Variants in MORN3 observed in about 807,000 individuals in gnomAD.
MORN3 encodes the protein MORN repeat containing 3, also known as MORN repeat-containing protein 3.
Under a neutral mutation model 34.7 loss-of-function variants are expected in MORN3, and 38 were observed. The ratio of observed to expected loss-of-function variants is 1.10; its 90% confidence interval spans 0.85 to 1.44. The LOEUF (loss-of-function observed/expected upper bound fraction) is 1.44. Among genes scored for constraint, MORN3 ranks in the 40% most tolerant of loss-of-function variants. The pLI, the probability that MORN3 is intolerant of heterozygous loss-of-function variation, is 0.00. For missense variants in MORN3, 311 were observed against 321.7 expected (o/e 0.97, Z 0.25); for synonymous variants, 109 against 115.3 (o/e 0.95, Z 0.35).
chr12:121,661,316 T>A (rs1313529481), intron 1 of MORN3, among the ~76,000 whole-genome samples: 1 of 152,150 alleles, frequency 6.6e-6, no homozygotes, highest in Non-Finnish European at 1.5e-5. Context: ...CTTGAACTCT[T>A]GAGCTAAAGA....
rs1016075048 is a variant in MORN3 at position 121,651,026 on chromosome 12, A to G, written c.*625T>C. On this transcript the variant is annotated 3_prime_UTR_variant, in exon 6 of 6. Coordinates refer to ENST00000355329, the MANE Select transcript of MORN3 (RefSeq NM_173855.5). Reference sequence around the variant, plus strand: ...AAATTTTATGATCTCCAATCTTGGCAGCCAGTGTGGCAGGATACAGGCCTT... The same window carrying G: ...AAATTTTATGATCTCCAATCTTGGCGGCCAGTGTGGCAGGATACAGGCCTT... 1.3e-5 allele frequency: 2 copies of G among 152,360 alleles called. No individual in the cohort carries two copies. Among genetic ancestry groups the G allele is most frequent in the East Asian group, 3.9e-4 (2 of 5,192 alleles). 9.4% of individuals were successfully genotyped at this position (152,360 alleles called of 1,614,324 possible). A position where few individuals can be genotyped will look rare whatever the true frequency, so the allele number is the denominator to read the frequency against.
At chr12:121,661,129 A>T (rs974627909) in intron 1 of MORN3, among the ~76,000 whole-genome samples, 7 of 151,716 alleles carry the variant, frequency 4.6e-5, no homozygotes, top group African/African-American at 9.7e-5. Context: ...CTAATTTTTT[A>T]AAAAAATTTT....
chr12:121,667,063 C>T (rs776510956), intron 1 of MORN3, among the ~76,000 whole-genome samples: 2 of 149,892 alleles, frequency 1.3e-5, no homozygotes, highest in Non-Finnish European at 3.0e-5. Flanking sequence ...CAGGTTCAAG[C>T]AATTCTCTTA....
At chr12:121,661,985 CATT>C (rs1194501828) in intron 1 of MORN3, among the ~76,000 whole-genome samples, 1 of 151,716 alleles carries the variant, frequency 6.6e-6, no homozygotes, top group Non-Finnish European at 1.5e-5. Flanking sequence ...ATCTGGAGGA[CATT>C]ATGCCAAGTG....
At chr12:121,655,654 T>G (rs1479062894) in intron 2 of MORN3, among the ~76,000 whole-genome samples, 1 of 151,574 alleles carries the variant, frequency 6.6e-6, no homozygotes, top group Non-Finnish European at 1.5e-5. Flanking sequence ...GAGGTTGCAG[T>G]GAGCCCAGAT....
At chr12:121,670,512 T>C (rs985562332), upstream of MORN3, among the ~76,000 whole-genome samples, 7 of 151,988 alleles carry the variant, frequency 4.6e-5, no homozygotes, top group African/African-American at 1.2e-4. Flanking sequence ...TCAATACATA[T>C]ATTGAAAAAA....
At chr12:121,660,181 C>CCGAGATGA (rs1893535743) in intron 1 of MORN3, among the ~76,000 whole-genome samples, 1 of 141,504 alleles carries the variant, frequency 7.1e-6, no homozygotes, top group South Asian at 2.2e-4. Flanking sequence ...TTGCAGTGAG[C>CCGAGATGA]CGAGATGACG....
At chr12:121,661,617 C>T (rs1417239059) in intron 1 of MORN3, among the ~76,000 whole-genome samples, 1 of 152,100 alleles carries the variant, frequency 6.6e-6, no homozygotes, top group Non-Finnish European at 1.5e-5. Flanking sequence ...TGGCTCACGC[C>T]TGTAACCCAG....
intron 1 of MORN3, among the ~76,000 whole-genome samples, chr12:121,661,220 A>G (rs1326353893): frequency 6.6e-6 from 1 of 151,942 alleles, no homozygotes; most frequent in Non-Finnish European, 1.5e-5. Flanking sequence ...AGGCTTCCCA[A>G]AGTATTGGGA....
intron 4 of MORN3, 71 bp downstream of exon 4, chr12:121,653,004 G>T: frequency 6.6e-7 from 1 of 1,510,734 alleles, no homozygotes. Flanking sequence ...ATCTGGCCTG[G>T]GCATGGCTGG....
At chr12:121,669,084 G>A (rs1893865769) in intron 1 of MORN3, among the ~76,000 whole-genome samples, 2 of 152,162 alleles carry the variant, frequency 1.3e-5, no homozygotes, top group Admixed American at 6.5e-5. Context: ...CCAGAGCCCC[G>A]GGGGCAGGCC....
In MORN3 at chr12:121,669,447, G is replaced by T. The variant is rs765252872; in HGVS notation, c.37C>A (p.Leu13Met). Reference protein sequence around the residue: ...VSKCPKKSESLWKGWDRKAQR... With the variant: ...VSKCPKKSESMWKGWDRKAQR... ...GCCTTCCGGTCCCACCCCTTCCACA[G>T]GGACTCCGACTTTTTTGGGCACTTA... Residue 13 changes from leucine (L) to methionine (M), a missense_variant, in exon 1 of 6, where the codon CTG (leucine) becomes ATG (methionine). Physicochemically the swap from Leu to Met is conservative, Grantham distance 15. Coordinates refer to ENST00000355329, the MANE Select transcript of MORN3 (RefSeq NM_173855.5). The T allele has an allele frequency of 6.2e-7, 1 of 1,614,038 alleles. No individual in the cohort carries two copies. Among genetic ancestry groups the T allele is most frequent in the South Asian group, 1.1e-5 (1 of 91,082 alleles).
upstream of MORN3, among the ~76,000 whole-genome samples, chr12:121,669,834 T>TATATATATATATATATA (rs1566488482): frequency 1.3e-4 from 12 of 92,262 alleles, no homozygotes; most frequent in South Asian, 1.7e-3. Flanking sequence ...ATATATATAT[T>TATATATATATATATATA]TTTTTTTTTA....
chr12:121,654,214 G>T, intron 3 of MORN3, 60 bp downstream of exon 3: 1 of 1,326,568 alleles, frequency 7.5e-7, no homozygotes, highest in Non-Finnish European at 1.0e-6. Context: ...AATGGGCGTG[G>T]CCAGCTCGCT....
upstream of MORN3, among the ~76,000 whole-genome samples, chr12:121,672,407 C>A (rs1185418370): frequency 6.6e-6 from 1 of 152,076 alleles, no homozygotes; most frequent in Non-Finnish European, 1.5e-5. Flanking sequence ...CTGCAGTGAG[C>A]TATCATCCGG....
At chr12:121,666,469 A>T (rs1406645371) in intron 1 of MORN3, among the ~76,000 whole-genome samples, 1 of 152,070 alleles carries the variant, frequency 6.6e-6, no homozygotes, top group Non-Finnish European at 1.5e-5. Context: ...GCAGCACTGC[A>T]CTCCATCCTG....
chr12:121,656,102 A>G (rs1441646572), intron 2 of MORN3, among the ~76,000 whole-genome samples: 1 of 152,142 alleles, frequency 6.6e-6, no homozygotes, highest in Non-Finnish European at 1.5e-5. Flanking sequence ...ACACCCGAGG[A>G]GGTTGGGTTG....
intron 5 of MORN3, 115 bp downstream of exon 5, chr12:121,652,613 C>T: frequency 1.1e-6 from 1 of 888,808 alleles, no homozygotes; most frequent in Non-Finnish European, 1.8e-6. Flanking sequence ...GATGGTCTTG[C>T]TCCCCCACTC....
chr12:121,663,390 G>A (rs1036120486), intron 1 of MORN3, among the ~76,000 whole-genome samples: 1 of 151,988 alleles, frequency 6.6e-6, no homozygotes, highest in African/African-American at 2.4e-5. Flanking sequence ...TAGAGACGGT[G>A]TTTCCCCATG....
Sources: gnomAD v4.1 joint callset for allele counts (sites outside exome capture counted in the v4.1 genomes callset) on GRCh38, gnomAD v4.1.1 for gene constraint, MANE v1.5 for transcripts, NCBI Gene and HGNC (gene_info 2026-07-23, HGNC 2026-07-21) for gene names.